RHOBTB2: variants seen among roughly 807,000 people sequenced by gnomAD.
RHOBTB2 encodes rho-related BTB domain-containing protein 2.
A neutral mutation model predicts 66.5 loss-of-function variants in RHOBTB2; 39 were observed. The observed-to-expected ratio is 0.59, with a 90% CI of 0.45 to 0.77. The LOEUF (loss-of-function observed/expected upper bound fraction) is 0.77, where lower values mean the gene tolerates loss of function less well. Among genes scored for constraint, RHOBTB2 ranks in the 30% least tolerant of loss-of-function variants. The pLI is 0.00. For missense variants in RHOBTB2, 755 were observed against 999.1 expected (o/e 0.76, Z 3.29); for synonymous variants, 390 against 395.0 (o/e 0.99, Z 0.15).
chr8:22,956,272 G>GAT, the RHOBTB2 span, among the ~76,000 whole-genome samples: 1 of 152,210 alleles, frequency 6.6e-6, no homozygotes, highest in East Asian at 1.9e-4. Flanking sequence ...TTCAGGTTCT[G>GAT]ATATGCTTTG....
intron 2 of RHOBTB2, 21 bp from the exon 3 acceptor site, chr8:23,005,351 A>T: frequency 6.3e-7 from 1 of 1,591,330 alleles, no homozygotes. Flanking sequence ...TTCGAGTCCC[A>T]CTCTTCCTCC....
the RHOBTB2 span, among the ~76,000 whole-genome samples, chr8:22,957,159 A>G: frequency 6.6e-6 from 1 of 151,772 alleles, no homozygotes; most frequent in Non-Finnish European, 1.5e-5. Context: ...TTGAGGTGAT[A>G]TATTATTGCA....
chr8:22,978,173 G>A, the RHOBTB2 span: 1 of 151,972 alleles, frequency 6.6e-6, no homozygotes, highest in African/African-American at 2.4e-5. Context: ...AAATAATTGT[G>A]TTAAAATAAA....
At chr8:22,981,743 T>C in the RHOBTB2 span, among the ~76,000 whole-genome samples, 1 of 152,176 alleles carries the variant, frequency 6.6e-6, no homozygotes, top group African/African-American at 2.4e-5. Flanking sequence ...GTGTGTTTTC[T>C]TGGTGTGCAG....
upstream of RHOBTB2, chr8:22,994,748 C>A: frequency 1.3e-6 from 1 of 784,326 alleles, no homozygotes; most frequent in South Asian, 1.6e-5. Flanking sequence ...ACTGCAAGCA[C>A]TAGACCAACA....
chr8:23,019,079 A>G lies in RHOBTB2; in HGVS notation c.*1610A>G. On this transcript the variant is annotated 3_prime_UTR_variant, in exon 10 of 10. Coordinates refer to ENST00000251822, the MANE Select transcript of RHOBTB2 (RefSeq NM_015178.3). ...ATGGAGTCCCACGGAGGAGGGGCAG[A>G]GCCAGGAGGCAGTGGGGCTGTGGGC... The G allele has an allele frequency of 6.6e-6, 1 of 152,468 alleles. No homozygotes were observed. The highest frequency in any genetic ancestry group is 1.5e-5 in the Non-Finnish European group (1 of 68,158). 9.4% of individuals were successfully genotyped at this position (152,468 alleles called of 1,614,324 possible).
At position 23,006,498 on chromosome 8, in the gene RHOBTB2, T is replaced by G; in HGVS notation, c.483-230T>G. On this transcript the variant is annotated intron_variant, in intron 4 of 9. Coordinates refer to ENST00000251822, the MANE Select transcript of RHOBTB2 (RefSeq NM_015178.3). The surrounding 1 kb of genome is among the most constrained non-coding windows in gnomAD (Gnocchi z 6.1). ...CCAGAGAGGCAGTGCTGTCACGGCT[T>G]TGTACTGGGGAGGTCACTGGGGCCT... is the stretch of plus-strand genomic sequence containing the variant. The G allele has an allele frequency of 1.7e-6, 1 of 575,462 alleles. No individual in the cohort carries two copies. The highest frequency in any genetic ancestry group is 2.3e-5 in the South Asian group (1 of 43,022). 35.6% of individuals were successfully genotyped at this position (575,462 alleles called of 1,614,324 possible). A position where few individuals can be genotyped will look rare whatever the true frequency, so the allele number is the denominator to read the frequency against.
chr8:22,976,357 G>C, the RHOBTB2 span, among the ~76,000 whole-genome samples: 1 of 152,026 alleles, frequency 6.6e-6, no homozygotes, highest in Non-Finnish European at 1.5e-5. Flanking sequence ...AGAGATTCCC[G>C]GACAGTAAAT....
the RHOBTB2 span, among the ~76,000 whole-genome samples, chr8:22,966,138 G>T: frequency 6.6e-6 from 1 of 151,810 alleles, no homozygotes; most frequent in African/African-American, 2.4e-5. Flanking sequence ...ATCACTTGAG[G>T]TCAGGAGTTC....
At position 23,007,232 on chromosome 8, in the gene RHOBTB2, T is replaced by TCAC; in HGVS notation, c.999_1001dup (p.His334dup). ...GCCACTCTGATCAACACCACCACCA[T>TCAC]CACCACCACCACCATGGGCGAGACT... On this transcript the variant is annotated inframe_insertion, in exon 5 of 10. Transcript: ENST00000251822. The TCAC allele has an allele frequency of 1.9e-6, 3 of 1,609,622 alleles. No individual in the cohort carries two copies. The highest frequency in any genetic ancestry group is 1.1e-5 in the South Asian group (1 of 90,858).
upstream of RHOBTB2, among the ~76,000 whole-genome samples, chr8:22,998,102 C>T (rs1412570650): frequency 6.6e-6 from 1 of 152,178 alleles, no homozygotes; most frequent in Non-Finnish European, 1.5e-5. Context: ...CCTCCAACAA[C>T]CGAGCACTTC....
chr8:22,997,697 C>T (rs892069147), upstream of RHOBTB2, among the ~76,000 whole-genome samples: 1 of 152,202 alleles, frequency 6.6e-6, no homozygotes, highest in African/African-American at 2.4e-5. Context: ...CCTTGCTCCA[C>T]AGGGGCTATG....
the RHOBTB2 span, among the ~76,000 whole-genome samples, chr8:22,974,620 G>C: frequency 5.9e-5 from 9 of 152,316 alleles, no homozygotes; most frequent in East Asian, 1.7e-3. Context: ...TGAAGGCCTA[G>C]AAGCTATAAG....
At chr8:22,959,335 C>A in the RHOBTB2 span, among the ~76,000 whole-genome samples, 1 of 152,206 alleles carries the variant, frequency 6.6e-6, no homozygotes, top group Non-Finnish European at 1.5e-5. Context: ...CAACCTCTGC[C>A]TCCCAGGTTC....
In RHOBTB2 at chr8:22,999,607, C is replaced by A. The variant is rs1810697476; in HGVS notation, c.-509C>A. On this transcript the variant is annotated 5_prime_UTR_variant, in exon 1 of 10. Coordinates refer to ENST00000251822, the MANE Select transcript of RHOBTB2 (RefSeq NM_015178.3). ...TTTTTCTCCTCCTTTTTTTACCCTC[C>A]CGTTTTTTTCTTTTCTTTTTTTTTT... The A allele has an allele frequency of 8.1e-7, 1 of 1,232,026 alleles. No homozygotes were observed. Among genetic ancestry groups the A allele is most frequent in the Non-Finnish European group, 1.0e-6 (1 of 967,936 alleles). The allele number at this position is 1,232,026 out of a possible 1,614,324, so 76.3% of individuals were successfully genotyped here. A position where few individuals can be genotyped will look rare whatever the true frequency, so the allele number is the denominator to read the frequency against.
chr8:23,003,317 A>C (rs1243034607), intron 1 of RHOBTB2, among the ~76,000 whole-genome samples: 1 of 152,252 alleles, frequency 6.6e-6, no homozygotes, highest in Non-Finnish European at 1.5e-5. Context: ...CTGTTTGTTC[A>C]TTCAAGCCAT....
the RHOBTB2 span, among the ~76,000 whole-genome samples, chr8:22,979,718 TTTTTCTTTTC>T: frequency 1.3e-5 from 2 of 148,996 alleles, no homozygotes; most frequent in African/African-American, 2.5e-5. Context: ...TTCTTTTTTC[TTTTTCTTTTC>T]TTTTCTTTTC....
upstream of RHOBTB2, chr8:22,994,694 G>A (rs374418435): frequency 9.8e-6 from 14 of 1,421,756 alleles, no homozygotes; most frequent in East Asian, 2.5e-5. Context: ...TTCATCCATC[G>A]AGCATTTATT....
chr8:22,983,455 T>C (rs1810243505), upstream of RHOBTB2, among the ~76,000 whole-genome samples: 2 of 148,092 alleles, frequency 1.4e-5, no homozygotes, highest in Non-Finnish European at 3.0e-5. Flanking sequence ...GTTTGAGGTA[T>C]GGCTGGGCAA....
Sources: allele counts gnomAD v4.1 joint callset (sites outside exome capture counted in the v4.1 genomes callset), GRCh38; gene constraint gnomAD v4.1.1; non-coding constraint Gnocchi (gnomAD v3.1); transcripts MANE v1.5; gene names NCBI Gene and HGNC (gene_info 2026-07-23, HGNC 2026-07-21).